The following SCMH1 variants were observed in gnomAD, a reference collection of about 807,000 sequenced individuals.
The protein encoded by SCMH1 is polycomb protein SCMH1.
Under a neutral mutation model 70.8 loss-of-function variants are expected in SCMH1, and 37 were observed. The ratio of observed to expected loss-of-function variants is 0.52; its 90% confidence interval spans 0.40 to 0.69. The LOEUF is 0.69. Among genes scored for constraint, SCMH1 ranks in the 30% least tolerant of loss-of-function variants. The pLI, the probability that SCMH1 is intolerant of heterozygous loss-of-function variation, is 0.00. For synonymous variants in SCMH1, 292 were observed against 307.4 expected (o/e 0.95, Z 0.52); for missense variants, 607 against 827.3 (o/e 0.73, Z 3.27).
intron 8 of SCMH1, among the ~76,000 whole-genome samples, chr1:41,111,635 C>A (rs1178965180): frequency 1.3e-5 from 2 of 152,156 alleles, no homozygotes; most frequent in Non-Finnish European, 2.9e-5. Context: ...GCCACTGCAC[C>A]CAGCCCCTTG....
At chr1:41,046,664 G>T in intron 11 of SCMH1, 66 bp from the exon 12 acceptor site, 1 of 1,253,352 alleles carries the variant, frequency 8.0e-7, no homozygotes, top group Non-Finnish European at 1.2e-6. Context: ...TAGGCAGGAC[G>T]AGTCCAGCCC....
intron 10 of SCMH1, among the ~76,000 whole-genome samples, chr1:41,051,850 G>A (rs1648290765): frequency 6.6e-6 from 1 of 152,018 alleles, no homozygotes; most frequent in African/African-American, 2.4e-5. Flanking sequence ...AAAAAATTTA[G>A]TGTAGCCAAA....
intron 2 of SCMH1, among the ~76,000 whole-genome samples, chr1:41,182,001 A>G (rs1648915222): frequency 6.6e-6 from 1 of 152,206 alleles, no homozygotes; most frequent in South Asian, 2.1e-4. Flanking sequence ...CATATACACC[A>G]TGGAATACTA....
At chr1:41,239,165 G>T (rs189876460) in intron 1 of SCMH1, among the ~76,000 whole-genome samples, 2 of 151,894 alleles carry the variant, frequency 1.3e-5, no homozygotes, top group East Asian at 3.9e-4. Flanking sequence ...TGCATACAAG[G>T]TCCACCACGA....
At chr1:41,179,584 A>G (rs906389057) in intron 2 of SCMH1, among the ~76,000 whole-genome samples, 16 of 152,184 alleles carry the variant, frequency 1.1e-4, no homozygotes, top group Admixed American at 3.3e-4. Context: ...TACTATAAAC[A>G]CCTCTACGCA....
At chr1:41,143,864 A>G (rs1452120093) in intron 5 of SCMH1, among the ~76,000 whole-genome samples, 1 of 152,150 alleles carries the variant, frequency 6.6e-6, no homozygotes, top group Admixed American at 6.5e-5. Flanking sequence ...TTTTTTGTCT[A>G]GCTTCTTTCA....
At chr1:41,071,794 C>A (rs756613959) in intron 9 of SCMH1, among the ~76,000 whole-genome samples, 2 of 152,012 alleles carry the variant, frequency 1.3e-5, no homozygotes, top group Admixed American at 6.6e-5. Flanking sequence ...TCCTGAGTAA[C>A]TGGGACTACA....
intron 8 of SCMH1, among the ~76,000 whole-genome samples, chr1:41,091,138 A>G (rs1258917373): frequency 6.6e-6 from 1 of 152,158 alleles, no homozygotes; most frequent in East Asian, 1.9e-4. Flanking sequence ...AATCCTCAAT[A>G]AAATACTGGC....
At chr1:41,090,971 G>A (rs934105596) in intron 8 of SCMH1, among the ~76,000 whole-genome samples, 2 of 150,720 alleles carry the variant, frequency 1.3e-5, no homozygotes, top group African/African-American at 2.4e-5. Context: ...CCTGGGAGGC[G>A]GAGCTTGCTG....
chr1:41,145,859 G>A (rs1644503080), intron 5 of SCMH1, among the ~76,000 whole-genome samples: 1 of 152,102 alleles, frequency 6.6e-6, no homozygotes, highest in Non-Finnish European at 1.5e-5. Context: ...CTACTGTGCT[G>A]CCAGCTGTAT....
chr1:41,140,484 G>A (rs775527567), intron 6 of SCMH1, among the ~76,000 whole-genome samples: 1 of 152,038 alleles, frequency 6.6e-6, no homozygotes, highest in Non-Finnish European at 1.5e-5. Context: ...GTAGAGACGA[G>A]GTTTCACCAT....
chr1:41,141,832 GAGAC>G (rs34028413), intron 6 of SCMH1, among the ~76,000 whole-genome samples: 16,399 of 152,052 alleles, frequency 0.11, 1,234 homozygotes, highest in East Asian at 0.27. Flanking sequence ...GAGACAGACA[GAGAC>G]AGACAATCCA....
chr1:41,058,095 TG>T (rs1490238056), intron 10 of SCMH1, among the ~76,000 whole-genome samples: 2 of 135,428 alleles, frequency 1.5e-5, no homozygotes, highest in African/African-American at 5.6e-5. Context: ...CACTCCAGCC[TG>T]AGAGACAGAG....
At chr1:41,051,045 A>G (rs1186104027) in intron 10 of SCMH1, among the ~76,000 whole-genome samples, 1 of 152,228 alleles carries the variant, frequency 6.6e-6, no homozygotes, top group Non-Finnish European at 1.5e-5. Context: ...TAATAACCCC[A>G]AACTAGAAGC....
intron 8 of SCMH1, among the ~76,000 whole-genome samples, chr1:41,077,652 C>T (rs939075698): frequency 3.3e-5 from 5 of 152,104 alleles, no homozygotes; most frequent in Admixed American, 2.6e-4. Flanking sequence ...AAATTAGGTT[C>T]CCAACCAAGA....
chr1:41,064,503 A>C (rs191796802), intron 10 of SCMH1, among the ~76,000 whole-genome samples: 2 of 152,344 alleles, frequency 1.3e-5, no homozygotes, highest in East Asian at 3.9e-4. Context: ...AATAATTAAC[A>C]ACCAAAAACA....
chr1:41,152,247 C>T (rs753722087), intron 4 of SCMH1, among the ~76,000 whole-genome samples: 7 of 152,152 alleles, frequency 4.6e-5, no homozygotes, highest in Non-Finnish European at 8.8e-5. Context: ...TCTCTCTCAC[C>T]TACCCCCGCT....
intron 4 of SCMH1, chr1:41,152,662 A>G (rs1415900741): frequency 6.2e-7 from 1 of 1,614,212 alleles, no homozygotes; most frequent in Admixed American, 1.7e-5. Context: ...AAAACACTGT[A>G]GCAAACCAGC....
At chr1:41,079,332 A>G (rs573650097) in intron 8 of SCMH1, among the ~76,000 whole-genome samples, 1 of 140,962 alleles carries the variant, frequency 7.1e-6, no homozygotes, top group Non-Finnish European at 1.5e-5. Context: ...GTAGGAATAA[A>G]TGAACAAACC....
Sources: allele counts gnomAD v4.1 joint callset (sites outside exome capture counted in the v4.1 genomes callset), GRCh38; gene constraint gnomAD v4.1.1; transcripts MANE v1.5; gene names NCBI Gene and HGNC (gene_info 2026-07-23, HGNC 2026-07-21).